PALM2AKAP2: variants seen among roughly 807,000 people sequenced by gnomAD.
PALM2AKAP2 encodes the protein PALM2-AKAP2 fusion protein.
PALM2AKAP2 carries 37 observed loss-of-function variants against 71.5 expected under a neutral mutation model. The ratio of observed to expected loss-of-function variants is 0.52; its 90% confidence interval spans 0.40 to 0.68. The LOEUF is 0.68. Among genes scored for constraint, PALM2AKAP2 ranks in the 30% least tolerant of loss-of-function variants. The pLI, the probability that PALM2AKAP2 is intolerant of heterozygous loss-of-function variation, is 0.00. For synonymous variants in PALM2AKAP2, 468 were observed against 478.8 expected (o/e 0.98, Z 0.29); for missense variants, 1,224 against 1,191.8 (o/e 1.03, Z -0.40).
At chr9:109,868,816 A>G (rs557458077) in intron 2 of PALM2AKAP2, among the ~76,000 whole-genome samples, 10 of 152,348 alleles carry the variant, frequency 6.6e-5, no homozygotes, top group African/African-American at 2.4e-4. Context: ...CTTTCTTTGT[A>G]GGAGCTTGCT....
chr9:109,990,444 G>T (rs1429382280), intron 6 of PALM2AKAP2, among the ~76,000 whole-genome samples: 2 of 152,120 alleles, frequency 1.3e-5, no homozygotes, highest in Non-Finnish European at 2.9e-5. Context: ...AACAGGTGTG[G>T]CACAGTGAGC....
At chr9:109,657,381 G>T (rs1019018871) in intron 1 of PALM2AKAP2, among the ~76,000 whole-genome samples, 1 of 152,080 alleles carries the variant, frequency 6.6e-6, no homozygotes, top group Non-Finnish European at 1.5e-5. Flanking sequence ...AGGAAGCTTT[G>T]CTTGGGAGGA....
chr9:109,731,022 G>T (rs1828549892), intron 1 of PALM2AKAP2, among the ~76,000 whole-genome samples: 1 of 152,146 alleles, frequency 6.6e-6, no homozygotes, highest in Non-Finnish European at 1.5e-5. Flanking sequence ...ACTGTCAAAT[G>T]CTAACCAACC....
intron 1 of PALM2AKAP2, among the ~76,000 whole-genome samples, chr9:110,079,322 C>A (rs1401009481): frequency 6.6e-6 from 1 of 152,000 alleles, no homozygotes; most frequent in Non-Finnish European, 1.5e-5. Flanking sequence ...GTGGCGAAAC[C>A]TCCACTCTAC....
intron 1 of PALM2AKAP2, among the ~76,000 whole-genome samples, chr9:109,824,008 G>A (rs1432987776): frequency 5.3e-5 from 8 of 152,100 alleles, no homozygotes; most frequent in Admixed American, 4.6e-4. Flanking sequence ...TCCTGCCTCA[G>A]ACTCCCAAGT....
At chr9:109,672,609 G>T (rs1052974858) in intron 1 of PALM2AKAP2, among the ~76,000 whole-genome samples, 3 of 150,484 alleles carry the variant, frequency 2.0e-5, no homozygotes, top group Non-Finnish European at 4.4e-5. Flanking sequence ...TCAGGATGAT[G>T]CTGGCCTCAT....
intron 1 of PALM2AKAP2, among the ~76,000 whole-genome samples, chr9:110,126,581 C>G (rs1258261605): frequency 1.3e-5 from 2 of 152,158 alleles, no homozygotes; most frequent in Admixed American, 6.5e-5. Flanking sequence ...GCTCAGTATC[C>G]CTCATTGAGG....
At chr9:110,026,377 C>G (rs140057898) in intron 7 of PALM2AKAP2, among the ~76,000 whole-genome samples, 1 of 152,144 alleles carries the variant, frequency 6.6e-6, no homozygotes, top group Non-Finnish European at 1.5e-5. Flanking sequence ...TCACACCCAG[C>G]GATTATCTCT....
At chr9:109,702,855 G>A (rs756804099) in intron 1 of PALM2AKAP2, among the ~76,000 whole-genome samples, 13 of 150,528 alleles carry the variant, frequency 8.6e-5, no homozygotes, top group Non-Finnish European at 1.8e-4. Context: ...GTCTCACTTG[G>A]TCGCCTAGGC....
chr9:109,865,450 T>A (rs1829424613), intron 1 of PALM2AKAP2, among the ~76,000 whole-genome samples: 1 of 152,084 alleles, frequency 6.6e-6, no homozygotes, highest in Non-Finnish European at 1.5e-5. Context: ...ACATCCTTCA[T>A]GACCATGTCA....
At chr9:109,872,845 T>A (rs1829636035) in intron 2 of PALM2AKAP2, among the ~76,000 whole-genome samples, 1 of 152,214 alleles carries the variant, frequency 6.6e-6, no homozygotes, top group South Asian at 2.1e-4. Flanking sequence ...TTATTTCAAA[T>A]TTTAAAATAT....
chr9:110,084,714 A>G (rs1834522498), intron 1 of PALM2AKAP2, among the ~76,000 whole-genome samples: 2 of 152,088 alleles, frequency 1.3e-5, no homozygotes, highest in African/African-American at 4.8e-5. Flanking sequence ...TACACGTGCT[A>G]CCATACTTTG....
intron 1 of PALM2AKAP2, among the ~76,000 whole-genome samples, chr9:110,060,259 C>T (rs550370541): frequency 1.2e-4 from 18 of 152,038 alleles, no homozygotes; most frequent in South Asian, 2.1e-4. Context: ...ACAACAGGTG[C>T]GCACCACAAC....
intron 1 of PALM2AKAP2, among the ~76,000 whole-genome samples, chr9:110,102,460 C>A (rs1476399708): frequency 6.6e-6 from 1 of 152,156 alleles, no homozygotes; most frequent in Non-Finnish European, 1.5e-5. Context: ...GTGTTACCTC[C>A]AGAGCTGGAT....
At chr9:109,844,745 C>G (rs1384339098) in intron 1 of PALM2AKAP2, among the ~76,000 whole-genome samples, 6 of 152,130 alleles carry the variant, frequency 3.9e-5, no homozygotes, top group Non-Finnish European at 7.3e-5. Context: ...TGCTGCACAC[C>G]CCCTGCTGTT....
rs751837630 is a variant in PALM2AKAP2 at position 109,932,041 on chromosome 9, G to C, written c.496+13G>C. 1 of 1,608,934 alleles carries C rather than the reference G, an allele frequency of 6.2e-7. No homozygotes were observed. The highest frequency in any genetic ancestry group is 1.1e-5 in the South Asian group (1 of 90,506). ...AGCAGAGCGGCTGGTAAGTCCTGGG[G>C]ACCTTTGGACGCTAGGATGGTCCAA... is the stretch of plus-strand genomic sequence containing the variant. On this transcript the variant is annotated intron_variant, in intron 6 of 9. Coordinates refer to the PALM2AKAP2 transcript ENST00000302798.
At chr9:109,685,173 G>A (rs1473304994) in intron 1 of PALM2AKAP2, among the ~76,000 whole-genome samples, 1 of 152,192 alleles carries the variant, frequency 6.6e-6, no homozygotes, top group East Asian at 1.9e-4. Context: ...CAAAGGGACA[G>A]AAGGGAGTAT....
intron 1 of PALM2AKAP2, among the ~76,000 whole-genome samples, chr9:109,808,683 G>A (rs1248524597): frequency 6.6e-6 from 1 of 152,220 alleles, no homozygotes; most frequent in African/African-American, 2.4e-5. Context: ...TAACAAGAAA[G>A]CCAAATGTTA....
intron 1 of PALM2AKAP2, among the ~76,000 whole-genome samples, chr9:109,672,940 G>C (rs1236981435): frequency 6.6e-6 from 1 of 151,878 alleles, no homozygotes; most frequent in Non-Finnish European, 1.5e-5. Flanking sequence ...TGTGAGGTCA[G>C]TGATGATATC....
Sources: allele counts gnomAD v4.1 joint callset (sites outside exome capture counted in the v4.1 genomes callset), GRCh38; gene constraint gnomAD v4.1.1; transcripts MANE v1.5; gene names NCBI Gene and HGNC (gene_info 2026-07-23, HGNC 2026-07-21).